Variants in LRPPRC observed in about 807,000 individuals in gnomAD.
The protein encoded by LRPPRC is leucine rich pentatricopeptide repeat containing, also known as leucine-rich PPR motif-containing protein, mitochondrial.
LRPPRC carries 120 observed loss-of-function variants against 180.3 expected under a neutral mutation model. The observed-to-expected ratio is 0.67, with a 90% CI of 0.57 to 0.77. LRPPRC has a LOEUF of 0.77. Among genes scored for constraint, LRPPRC ranks in the 30% least tolerant of loss-of-function variants. The probability of loss-of-function intolerance (pLI) is 0.00; values close to 1 mark genes in which losing one functional copy is unlikely to be tolerated. For missense variants in LRPPRC, 2,012 were observed against 1,657.2 expected, an observed-to-expected ratio of 1.21 and a Z score of -3.72; for synonymous variants, 723 against 600.0, an observed-to-expected ratio of 1.21 and a Z score of -3.00.
intron 36 of LRPPRC, among the ~76,000 whole-genome samples, chr2:43,892,031 C>CTT (rs1670509679): frequency 1.3e-5 from 2 of 152,234 alleles, no homozygotes; most frequent in Admixed American, 1.3e-4. Flanking sequence ...AAAGCCTAAT[C>CTT]CAGTGCAAGG....
chr2:43,979,988 G>C (rs202028309), intron 2 of LRPPRC, 40 bp from the exon 3 acceptor site: 22 of 1,593,192 alleles, frequency 1.4e-5, no homozygotes, highest in Middle Eastern at 3.3e-4. Context: ...TAACATAGCA[G>C]CAATATCACA....
rs4528814 is a variant in LRPPRC at position 43,915,232 on chromosome 2, T to A, written c.3149-2674A>T. On this transcript the variant is annotated intron_variant, in intron 29 of 37. Transcript: ENST00000260665. Reference sequence around the variant, plus strand: ...CTCTCTCTCTCTCTCTCTCTCTCTCTCACACACACACACACACACACACAC... The same window carrying A: ...CTCTCTCTCTCTCTCTCTCTCTCTCACACACACACACACACACACACACAC... 8.0e-3 allele frequency among the ~76,000 whole-genome samples: 415 copies of A among 51,840 alleles called. 4 individuals carry two copies. The highest frequency in any genetic ancestry group is 0.023 in the African/African-American group (264 of 11,582). The allele number at this position is 51,840 out of a possible 152,430, so 34.0% of individuals were successfully genotyped here.
Position 43,905,761 on chromosome 2 carries a change from C to T in LRPPRC, c.3295G>A (p.Gly1099Ser), listed in dbSNP as rs759115541. Reference protein sequence around the residue: ...VKAFAETHIKGFTLNDAANSR... With the variant: ...VKAFAETHIKSFTLNDAANSR... Reference sequence around the variant, plus strand: ...TTGGCAGCATCGTTCAGTGTGAAGCCCTTGATGTGGGTCTCCGCGCTAAAA... The same window carrying T: ...TTGGCAGCATCGTTCAGTGTGAAGCTCTTGATGTGGGTCTCCGCGCTAAAA... Residue 1099 changes from glycine to serine, a missense_variant, in exon 31 of 38, where the codon GGC becomes AGC. Coordinates refer to ENST00000260665, the MANE Select transcript of LRPPRC (RefSeq NM_133259.4). The T allele has an allele frequency of 6.2e-7, 1 of 1,612,490 alleles. No individual in the cohort carries two copies. Among genetic ancestry groups the T allele is most frequent in the Non-Finnish European group, 8.5e-7 (1 of 1,178,602 alleles).
chr2:43,903,499 G>C (rs1345178402), intron 31 of LRPPRC: 2 of 148,080 alleles, frequency 1.4e-5, no homozygotes, highest in African/African-American at 5.0e-5. Context: ...GATGGGAATA[G>C]TGCAAACACT....
intron 1 of LRPPRC, among the ~76,000 whole-genome samples, chr2:43,990,632 A>T (rs77804586): frequency 1.3e-5 from 2 of 152,092 alleles, no homozygotes; most frequent in Non-Finnish European, 2.9e-5. Context: ...ATCCACTACC[A>T]TGTGTCCTCT....
chr2:43,949,464 A>C lies in LRPPRC; in HGVS notation c.1735+138T>G, dbSNP rs1271896617. On this transcript the variant is annotated intron_variant, in intron 16 of 37. Transcript: ENST00000260665. ...TTTAGATCTCAAAATGTTGTAATCAATATAAAGATTTATAACCAAATGTTT... is the reference window on the plus strand; with the variant it reads ...TTTAGATCTCAAAATGTTGTAATCACTATAAAGATTTATAACCAAATGTTT... 3 of 710,904 alleles carry C rather than the reference A, an allele frequency of 4.2e-6. No homozygotes were observed. In the South Asian group the frequency reaches 4.6e-5, roughly 11 times the overall value. The allele number at this position is 710,904 out of a possible 1,614,324, so 44.0% of individuals were successfully genotyped here.
At chr2:43,974,036 AG>A in intron 9 of LRPPRC, 113 bp downstream of exon 9, 1 of 1,244,710 alleles carries the variant, frequency 8.0e-7, no homozygotes. Flanking sequence ...TTGCAACACA[AG>A]AACATTGTTA....
intron 25 of LRPPRC, among the ~76,000 whole-genome samples, chr2:43,928,546 G>T (rs1032753625): frequency 1.3e-5 from 2 of 152,080 alleles, no homozygotes; most frequent in Middle Eastern, 3.2e-3. Context: ...AGTTAACATA[G>T]TAGGAGGAAA....
intron 23 of LRPPRC, among the ~76,000 whole-genome samples, chr2:43,939,011 G>T (rs1427241471): frequency 6.6e-6 from 1 of 151,760 alleles, no homozygotes; most frequent in Non-Finnish European, 1.5e-5. Flanking sequence ...GGTGGCTCAC[G>T]CCTGTAATCC....
intron 13 of LRPPRC, among the ~76,000 whole-genome samples, chr2:43,959,960 T>C (rs1276062828): frequency 6.6e-6 from 1 of 152,216 alleles, no homozygotes; most frequent in Non-Finnish European, 1.5e-5. Flanking sequence ...ATCTTACTTC[T>C]GGTTCAAATC....
At chr2:43,965,162 C>A (rs946706337) in intron 11 of LRPPRC, among the ~76,000 whole-genome samples, 7 of 152,118 alleles carry the variant, frequency 4.6e-5, no homozygotes, top group Non-Finnish European at 1.0e-4. Context: ...TCACCACGAC[C>A]AGCTAGTTTT....
intron 11 of LRPPRC, among the ~76,000 whole-genome samples, chr2:43,967,852 CACT>C (rs1243579043): frequency 1.3e-5 from 2 of 152,112 alleles, no homozygotes; most frequent in Non-Finnish European, 2.9e-5. Context: ...CACTGGGTAT[CACT>C]ACTAACAACC....
chr2:43,995,952 C>T lies in LRPPRC; in HGVS notation c.-5G>A, dbSNP rs766534161. On this transcript the variant is annotated 5_prime_UTR_variant, in exon 1 of 38. Transcript: ENST00000260665. ...GGATCTCAGCAGGGCTGCCATTGCT[C>T]GAACGTCCCCGCAGCGGGAAGCACG... The T allele has an allele frequency of 3.3e-6, 5 of 1,525,174 alleles. No homozygotes were observed. The highest frequency in any genetic ancestry group is 4.0e-5 in the Admixed American group (2 of 50,246). 94.5% of individuals were successfully genotyped at this position (1,525,174 alleles called of 1,614,324 possible).
At chr2:43,951,956 G>A (rs1415934602) in intron 14 of LRPPRC, among the ~76,000 whole-genome samples, 1 of 152,180 alleles carries the variant, frequency 6.6e-6, no homozygotes, top group African/African-American at 2.4e-5. Context: ...CGCTTTGGGA[G>A]GCTGAGGTGG....
intron 27 of LRPPRC, among the ~76,000 whole-genome samples, chr2:43,921,058 G>A (rs1192118420): frequency 6.6e-6 from 1 of 152,152 alleles, no homozygotes; most frequent in Non-Finnish European, 1.5e-5. Flanking sequence ...TTGGGAAGAC[G>A]AGGTAGGCAG....
rs779696239 is a variant in LRPPRC at position 43,947,782 on chromosome 2, T to C, written c.1921-7A>G. ...CAACCAACAAGTGAGCATCCTAAAA[T>C]TGAAATTTAAATTAGCCCAGAATTA... On this transcript the variant is annotated splice_region_variant and splice_polypyrimidine_tract_variant and intron_variant, in intron 18 of 37. Coordinates refer to ENST00000260665, the MANE Select transcript of LRPPRC (RefSeq NM_133259.4). 2.5e-6 allele frequency: 4 copies of C among 1,576,884 alleles called. No individual in the cohort carries two copies. The highest frequency in any genetic ancestry group is 2.6e-6 in the Non-Finnish European group (3 of 1,146,336).
intron 30 of LRPPRC, among the ~76,000 whole-genome samples, chr2:43,910,746 T>C (rs2105009987): frequency 1.3e-5 from 2 of 152,260 alleles, no homozygotes; most frequent in East Asian, 3.9e-4. Flanking sequence ...ATCTTTGTGG[T>C]GAGCTGAGAG....
chr2:43,953,725 C>G (rs1325483469), intron 14 of LRPPRC, among the ~76,000 whole-genome samples: 1 of 152,088 alleles, frequency 6.6e-6, no homozygotes, highest in Non-Finnish European at 1.5e-5. Context: ...GTTATCTATT[C>G]AAATAAAAAT....
At chr2:43,959,306 C>A in intron 13 of LRPPRC, 1 of 672,258 alleles carries the variant, frequency 1.5e-6, no homozygotes, top group Non-Finnish European at 2.7e-6. Context: ...CAAATAACTA[C>A]AACAGTCACC....
Sources: allele counts gnomAD v4.1 joint callset (sites outside exome capture counted in the v4.1 genomes callset), GRCh38; gene constraint gnomAD v4.1.1; transcripts MANE v1.5; gene names NCBI Gene and HGNC (gene_info 2026-07-23, HGNC 2026-07-21).